MACROD2: variants seen among roughly 807,000 people sequenced by gnomAD.
MACROD2 encodes the protein mono-ADP ribosylhydrolase 2.
MACROD2 carries 36 observed loss-of-function variants against 70.4 expected under a neutral mutation model. The observed-to-expected ratio is 0.51, with a 90% confidence interval of 0.39 to 0.68. MACROD2 has a LOEUF of 0.68. MACROD2 is among the 30% of genes least tolerant of loss of function. The pLI, the probability that MACROD2 is intolerant of heterozygous loss-of-function variation, is 0.00. For synonymous variants in MACROD2, 172 were observed against 178.8 expected, an observed-to-expected ratio of 0.96 and a Z score of 0.30; for missense variants, 496 against 538.4, an observed-to-expected ratio of 0.92 and a Z score of 0.78.
intron 5 of MACROD2, among the ~76,000 whole-genome samples, chr20:14,801,375 A>G (rs536367680): frequency 2.0e-5 from 3 of 151,894 alleles, no homozygotes; most frequent in Admixed American, 6.6e-5. Flanking sequence ...TTAGCATCTC[A>G]TGTAGTCAAA....
intron 5 of MACROD2, among the ~76,000 whole-genome samples, chr20:14,917,226 G>T (rs1053995970): frequency 2.7e-5 from 4 of 149,394 alleles, no homozygotes; most frequent in African/African-American, 9.9e-5. Context: ...ACCCCTCCCA[G>T]CGGAGGCCTG....
intron 6 of MACROD2, among the ~76,000 whole-genome samples, chr20:15,399,391 G>C (rs142256270): frequency 6.6e-6 from 1 of 152,250 alleles, no homozygotes; most frequent in East Asian, 1.9e-4. Context: ...TTACACTCCT[G>C]TGGTGTTTTT....
chr20:14,302,015 A>T (rs952901724), intron 3 of MACROD2, among the ~76,000 whole-genome samples: 7 of 152,240 alleles, frequency 4.6e-5, no homozygotes, highest in African/African-American at 1.7e-4. Flanking sequence ...ATGTACAGAA[A>T]GTACAGTATA....
At chr20:15,186,845 G>A (rs2076538009) in intron 5 of MACROD2, among the ~76,000 whole-genome samples, 1 of 152,150 alleles carries the variant, frequency 6.6e-6, no homozygotes, top group Admixed American at 6.5e-5. Context: ...TCTCATTTGT[G>A]TTCCTAACTG....
At chr20:14,669,985 T>G (rs1055699304) in intron 4 of MACROD2, among the ~76,000 whole-genome samples, 7 of 152,000 alleles carry the variant, frequency 4.6e-5, no homozygotes, top group African/African-American at 1.7e-4. Flanking sequence ...TTGAGAAGGG[T>G]CTCTGCCTGG....
chr20:15,230,126 T>G, intron 6 of MACROD2, 65 bp downstream of exon 6: 1 of 1,498,234 alleles, frequency 6.7e-7, no homozygotes, highest in Non-Finnish European at 9.0e-7. Context: ...TAATCTGTCT[T>G]GTCTAAAGAG....
chr20:14,810,823 A>G (rs1381673404), intron 5 of MACROD2, among the ~76,000 whole-genome samples: 2 of 152,028 alleles, frequency 1.3e-5, no homozygotes, highest in African/African-American at 4.8e-5. Flanking sequence ...ATTCACGAGC[A>G]AACTCCCATT....
At chr20:15,077,489 T>C (rs1601036302) in intron 5 of MACROD2, among the ~76,000 whole-genome samples, 1 of 152,330 alleles carries the variant, frequency 6.6e-6, no homozygotes, top group African/African-American at 2.4e-5. Context: ...TAAAGCACTA[T>C]CTAAATGTAA....
chr20:14,669,850 C>T (rs913031387), intron 4 of MACROD2, among the ~76,000 whole-genome samples: 11 of 151,908 alleles, frequency 7.2e-5, no homozygotes, highest in South Asian at 2.1e-4. Context: ...CTTGCAACTA[C>T]GCCTATCATT....
At chr20:14,592,060 G>C (rs1981807777) in intron 4 of MACROD2, among the ~76,000 whole-genome samples, 1 of 152,088 alleles carries the variant, frequency 6.6e-6, no homozygotes, top group South Asian at 2.1e-4. Flanking sequence ...TGGCAAATAG[G>C]AATGCAGAGG....
intron 3 of MACROD2, among the ~76,000 whole-genome samples, chr20:14,404,982 C>A (rs537799453): frequency 2.0e-5 from 3 of 151,818 alleles, no homozygotes; most frequent in Non-Finnish European, 4.4e-5. Flanking sequence ...ATATTCCAGG[C>A]AATTATCAAC....
At position 15,135,407 on chromosome 20, in the gene MACROD2, A is replaced by G. The variant is rs1017179677; in HGVS notation, c.419-94533A>G. ...CATCCCTGGGATGCAAGGCTGGTTC[A>G]ATATACGCAAATCAATAAATGTAAT... On this transcript the variant is annotated intron_variant, in intron 5 of 17. Transcript: ENST00000684519. Among the ~76,000 whole-genome samples, 12 of 151,266 alleles carry G rather than the reference A, an allele frequency of 7.9e-5. No homozygotes were observed. The South Asian group carries it at 1.9e-3, about 24-fold the overall frequency.
At chr20:15,562,518 G>T (rs377295290) in intron 8 of MACROD2, among the ~76,000 whole-genome samples, 2 of 152,184 alleles carry the variant, frequency 1.3e-5, no homozygotes, top group South Asian at 2.1e-4. Flanking sequence ...GACAGAAAGG[G>T]AATGAATATT....
intron 8 of MACROD2, among the ~76,000 whole-genome samples, chr20:15,585,838 AG>A (rs1300367613): frequency 6.6e-6 from 1 of 151,964 alleles, no homozygotes; most frequent in Non-Finnish European, 1.5e-5. Flanking sequence ...TTTGTATCTC[AG>A]GGTGTGCTTC....
chr20:14,059,611 G>T (rs1237465064), intron 2 of MACROD2, among the ~76,000 whole-genome samples: 1 of 152,130 alleles, frequency 6.6e-6, no homozygotes, highest in African/African-American at 2.4e-5. Context: ...CATGAAGCTG[G>T]GTGGAGTGGT....
intron 2 of MACROD2, among the ~76,000 whole-genome samples, chr20:14,075,633 C>G (rs1321832841): frequency 1.3e-5 from 2 of 152,176 alleles, no homozygotes; most frequent in Non-Finnish European, 2.9e-5. Flanking sequence ...CTTTAATTCT[C>G]TTGAATCTTT....
intron 8 of MACROD2, among the ~76,000 whole-genome samples, chr20:15,768,969 A>G (rs59069925): frequency 0.17 from 26,582 of 152,204 alleles, 2,377 homozygotes; most frequent in Middle Eastern, 0.31. Flanking sequence ...TGATATACTC[A>G]TGGAGCTGTC....
chr20:14,651,423 T>G (rs751203109), intron 4 of MACROD2, among the ~76,000 whole-genome samples: 1 of 152,160 alleles, frequency 6.6e-6, no homozygotes, highest in Admixed American at 6.5e-5. Flanking sequence ...AAGAGAGGAC[T>G]GGGCTGCACA....
intron 3 of MACROD2, among the ~76,000 whole-genome samples, chr20:14,183,224 T>C (rs989839433): frequency 7.3e-5 from 11 of 151,590 alleles, no homozygotes; most frequent in African/African-American, 2.7e-4. Context: ...TGTTCCCCTC[T>C]ATGGGTCCAT....
Sources: gnomAD v4.1 joint callset for allele counts (sites outside exome capture counted in the v4.1 genomes callset) on GRCh38, gnomAD v4.1.1 for gene constraint, MANE v1.5 for transcripts, NCBI Gene and HGNC (gene_info 2026-07-23, HGNC 2026-07-21) for gene names.